Variants in MACF1 observed in about 807,000 individuals in gnomAD.
MACF1 encodes the protein microtubule-actin cross-linking factor 1.
A neutral mutation model predicts 854.8 loss-of-function variants in MACF1; 193 were observed. The ratio of observed to expected loss-of-function variants is 0.23; its 90% CI spans 0.20 to 0.25. The LOEUF (loss-of-function observed/expected upper bound fraction) is 0.25. Among genes scored for constraint, MACF1 ranks in the 10% least tolerant of loss-of-function variants. The probability of loss-of-function intolerance (pLI) is 1.00; values close to 1 mark genes in which losing one functional copy is unlikely to be tolerated. For synonymous variants in MACF1, 3,185 were observed against 3,226.7 expected (o/e 0.99, Z 0.44); for missense variants, 7,722 against 8,929.1 (o/e 0.86, Z 5.45).
intron 26 of MACF1, among the ~76,000 whole-genome samples, chr1:39,311,209 A>G (rs543070057): frequency 6.6e-5 from 10 of 152,382 alleles, no homozygotes; most frequent in Admixed American, 5.9e-4. Context: ...TTAGTTTCCT[A>G]CAGAGTTGAG....
At chr1:39,253,767 C>T (rs1234617819) in intron 4 of MACF1, among the ~76,000 whole-genome samples, 3 of 152,124 alleles carry the variant, frequency 2.0e-5, no homozygotes, top group South Asian at 2.1e-4. Flanking sequence ...CCTCCTGCCT[C>T]GGCCTCCCAA....
intron 2 of MACF1, among the ~76,000 whole-genome samples, chr1:39,160,887 GA>G (rs1193580840): frequency 2.6e-5 from 4 of 152,186 alleles, no homozygotes; most frequent in African/African-American, 9.7e-5. Flanking sequence ...GTGTATTCCA[GA>G]AGGGCTGATG....
rs1036442599 is a variant in MACF1, at chr1:39,409,988, T to TA, written c.15817-12378dup. 18 of 341,782 alleles carry TA rather than the reference T, an allele frequency of 5.3e-5. No individual in the cohort carries two copies. In the South Asian group the frequency reaches 5.6e-4, roughly 11 times the overall value. The allele number at this position is 341,782 out of a possible 1,614,324, so 21.2% of individuals were successfully genotyped here. ...ACTGTATTTGAAAGAGCAGTGCTCT[T>TA]AAAAAAAATTAAACCATAAGCCATA... On this transcript the variant is annotated intron_variant, in intron 58 of 100. Coordinates refer to ENST00000564288, the MANE Select transcript of MACF1 (RefSeq NM_001394062.1). The surrounding 1 kb of genome is among the most constrained non-coding windows in gnomAD (Gnocchi z 4.2).
intron 23 of MACF1, among the ~76,000 whole-genome samples, chr1:39,305,566 A>G (rs1286930347): frequency 2.0e-5 from 3 of 152,176 alleles, no homozygotes; most frequent in Admixed American, 2.0e-4. Flanking sequence ...ATATATGCAA[A>G]CACTTCTTCC....
chr1:39,219,059 G>A (rs989444326), intron 1 of MACF1, among the ~76,000 whole-genome samples: 3 of 152,168 alleles, frequency 2.0e-5, no homozygotes, highest in African/African-American at 7.2e-5. Context: ...GGGATTACAG[G>A]CATGAGCCAT....
intron 2 of MACF1, among the ~76,000 whole-genome samples, chr1:39,237,042 T>C (rs539098982): frequency 1.3e-5 from 2 of 152,366 alleles, no homozygotes; most frequent in Non-Finnish European, 2.9e-5. Context: ...TAGAGCACTT[T>C]GCAGCGTTTC....
At chr1:39,406,679 G>A (rs537009805) in intron 58 of MACF1, among the ~76,000 whole-genome samples, 65 of 140,362 alleles carry the variant, frequency 4.6e-4, no homozygotes, top group African/African-American at 1.4e-3. Flanking sequence ...AGATTGCAGT[G>A]AGCCAAGATT....
chr1:39,127,657 C>G (rs1292994871), intron 2 of MACF1, among the ~76,000 whole-genome samples: 1 of 152,192 alleles, frequency 6.6e-6, no homozygotes, highest in Non-Finnish European at 1.5e-5. Flanking sequence ...GCTTGAGTCT[C>G]CTTTTCTCTA....
At chr1:39,459,469 G>C (rs1056818868) in intron 91 of MACF1, among the ~76,000 whole-genome samples, 7 of 152,160 alleles carry the variant, frequency 4.6e-5, no homozygotes, top group African/African-American at 1.7e-4. Context: ...AAAGCTTCTA[G>C]GTGTGGAAAG....
intron 1 of MACF1, among the ~76,000 whole-genome samples, chr1:39,227,250 G>T (rs1237649652): frequency 6.6e-6 from 1 of 152,156 alleles, no homozygotes; most frequent in Non-Finnish European, 1.5e-5. Flanking sequence ...CTGGATTCTT[G>T]TAGGTAACTC....
At chr1:39,192,570 G>C (rs1393545073) in intron 2 of MACF1, among the ~76,000 whole-genome samples, 2 of 152,190 alleles carry the variant, frequency 1.3e-5, no homozygotes, top group African/African-American at 2.4e-5. Context: ...ACACAAGCTT[G>C]AACTTGTATA....
intron 2 of MACF1, among the ~76,000 whole-genome samples, chr1:39,175,517 A>G (rs555235480): frequency 1.3e-5 from 2 of 152,278 alleles, no homozygotes; most frequent in South Asian, 2.1e-4. Flanking sequence ...GTAAAACCTC[A>G]TTGAGTGGAA....
chr1:39,188,840 G>C (rs180910407), intron 2 of MACF1, among the ~76,000 whole-genome samples: 72 of 152,240 alleles, frequency 4.7e-4, no homozygotes, highest in Non-Finnish European at 2.4e-4. Context: ...CTGAGCTCAG[G>C]TGATCCACCT....
intron 58 of MACF1, chr1:39,410,787 A>G: frequency 6.2e-7 from 1 of 1,614,036 alleles, no homozygotes; most frequent in Non-Finnish European, 8.5e-7. Context: ...CCAGTTCTGC[A>G]TTAACAGAAA....
intron 37 of MACF1, 89 bp from the exon 38 acceptor site, chr1:39,337,093 C>A: frequency 7.6e-7 from 1 of 1,312,808 alleles, no homozygotes; most frequent in Non-Finnish European, 1.0e-6. Context: ...AAAATTGCTT[C>A]TATTTGTCTA....
chr1:39,407,279 C>CACGT lies in MACF1; in HGVS notation c.15817-15094_15817-15091dup, dbSNP rs548517842. 1.8e-3 allele frequency among the ~76,000 whole-genome samples: 271 copies of CACGT among 152,254 alleles called. 1 individual carries two copies. The highest frequency in any genetic ancestry group is 6.3e-3 in the African/African-American group (261 of 41,554). ...TACCCAGAACAAGTTTCCTTCCTCC[C>CACGT]ACGTCTCAGCCCTTCAGATACTTCA... On this transcript the variant is annotated intron_variant, in intron 58 of 100. Coordinates refer to ENST00000564288, the MANE Select transcript of MACF1 (RefSeq NM_001394062.1).
intron 15 of MACF1, among the ~76,000 whole-genome samples, chr1:39,290,645 G>A (rs1984143): frequency 0.62 from 74,402 of 120,338 alleles, 23,911 homozygotes; most frequent in South Asian, 0.79. Context: ...TTTATTCTTC[G>A]TTTTTCATTG....
chr1:39,318,764 C>G, intron 30 of MACF1, 149 bp downstream of exon 30: 2 of 855,320 alleles, frequency 2.3e-6, no homozygotes, highest in Non-Finnish European at 1.7e-6. Flanking sequence ...AGGATCGTCC[C>G]AAGATACTGG....
chr1:39,294,056 C>T (rs1205052051), intron 18 of MACF1, among the ~76,000 whole-genome samples: 1 of 152,110 alleles, frequency 6.6e-6, no homozygotes, highest in African/African-American at 2.4e-5. Context: ...AGCACGTATT[C>T]CCCAACGGTT....
Sources: allele counts gnomAD v4.1 joint callset (sites outside exome capture counted in the v4.1 genomes callset), GRCh38; gene constraint gnomAD v4.1.1; non-coding constraint Gnocchi (gnomAD v3.1); transcripts MANE v1.5; gene names NCBI Gene and HGNC (gene_info 2026-07-23, HGNC 2026-07-21).